Variants in MYRFL observed in about 807,000 individuals in gnomAD.
MYRFL encodes the protein myelin regulatory factor-like protein.
A neutral mutation model predicts 109.4 loss-of-function variants in MYRFL; 88 were observed. The ratio of observed to expected loss-of-function variants is 0.80; its 90% CI spans 0.68 to 0.96. The LOEUF (loss-of-function observed/expected upper bound fraction) is 0.96, where lower values mean the gene tolerates loss of function less well. MYRFL is among the 40% of genes least tolerant of loss of function. The pLI, the probability that MYRFL is intolerant of heterozygous loss-of-function variation, is 0.00. For synonymous variants in MYRFL, 324 were observed against 320.9 expected (o/e 1.01, Z -0.10); for missense variants, 957 against 954.9 (o/e 1.00, Z -0.03).
At chr12:69,845,098 G>A (rs532531057) in intron 1 of MYRFL, among the ~76,000 whole-genome samples, 16 of 152,186 alleles carry the variant, frequency 1.1e-4, no homozygotes, top group South Asian at 4.1e-4. Flanking sequence ...AGAGGCATCC[G>A]CATAGAAAAG....
chr12:69,904,941 T>TGTCC (rs1161268797), intron 11 of MYRFL, among the ~76,000 whole-genome samples: 2 of 152,250 alleles, frequency 1.3e-5, no homozygotes, highest in Non-Finnish European at 2.9e-5. Flanking sequence ...AGCCAAGGAA[T>TGTCC]GTCCTCCTTT....
At chr12:69,858,340 G>T (rs534824700) in intron 2 of MYRFL, among the ~76,000 whole-genome samples, 1 of 151,696 alleles carries the variant, frequency 6.6e-6, no homozygotes, top group Non-Finnish European at 1.5e-5. Flanking sequence ...TTCTGGGTTT[G>T]GTATCACAGC....
chr12:69,947,335 C>T (rs1217335369), intron 19 of MYRFL, among the ~76,000 whole-genome samples: 1 of 152,102 alleles, frequency 6.6e-6, no homozygotes, highest in Non-Finnish European at 1.5e-5. Context: ...GGGAAATCAA[C>T]ATTTTTATGA....
At chr12:69,921,378 T>C (rs1408121921) in intron 13 of MYRFL, among the ~76,000 whole-genome samples, 4 of 152,200 alleles carry the variant, frequency 2.6e-5, no homozygotes, top group Non-Finnish European at 4.4e-5. Context: ...TCCAGACATG[T>C]GTATTTAGAA....
chr12:69,858,641 A>G (rs989058462), intron 2 of MYRFL, among the ~76,000 whole-genome samples: 6 of 151,966 alleles, frequency 3.9e-5, no homozygotes, highest in African/African-American at 1.4e-4. Flanking sequence ...AGAGTTATTC[A>G]TAGTATTTTT....
At chr12:69,827,717 A>G (rs992639730) in intron 1 of MYRFL, among the ~76,000 whole-genome samples, 1 of 152,114 alleles carries the variant, frequency 6.6e-6, no homozygotes, top group African/African-American at 2.4e-5. Flanking sequence ...GGAATATTTT[A>G]TGGCTATTAA....
chr12:69,834,790 C>G (rs1030543708), intron 1 of MYRFL, among the ~76,000 whole-genome samples: 2 of 152,144 alleles, frequency 1.3e-5, no homozygotes, highest in Non-Finnish European at 2.9e-5. Flanking sequence ...CCATTTATAG[C>G]CCTTAGTTGC....
chr12:69,846,755 T>A (rs1230640557), intron 1 of MYRFL, among the ~76,000 whole-genome samples: 1 of 151,938 alleles, frequency 6.6e-6, no homozygotes, highest in Non-Finnish European at 1.5e-5. Context: ...TAGTTCTAGA[T>A]CCCTGAGGAA....
At chr12:69,895,180 C>A (rs1201751395) in intron 8 of MYRFL, among the ~76,000 whole-genome samples, 191 bp from the exon 9 acceptor site, 1 of 152,202 alleles carries the variant, frequency 6.6e-6, no homozygotes, top group Non-Finnish European at 1.5e-5. Flanking sequence ...ATTCCATGGC[C>A]TTCCTGGCAG....
chr12:69,948,776 A>T (rs1469644941), intron 19 of MYRFL, among the ~76,000 whole-genome samples: 1 of 152,212 alleles, frequency 6.6e-6, no homozygotes, highest in Non-Finnish European at 1.5e-5. Flanking sequence ...AATGGAAAGC[A>T]CCATGTTGGG....
rs187185843 is a variant in MYRFL at position 69,918,672 on chromosome 12, C to G, written c.1602+7742C>G. ...TGCAATTCTGATTGAGTTAAAGGAG[C>G]ATCATATTGTTTTAATTTAACTTTC... On this transcript the variant is annotated intron_variant, in intron 13 of 24. Coordinates refer to ENST00000552032, the MANE Select transcript of MYRFL (RefSeq NM_182530.3). Among the ~76,000 whole-genome samples the G allele has an allele frequency of 1.3e-3, 199 of 152,272 alleles. 2 individuals are homozygous for G. The South Asian group carries it at 0.028, about 22-fold the overall frequency.
chr12:69,849,028 C>T (rs548277594), intron 1 of MYRFL, among the ~76,000 whole-genome samples: 1 of 152,262 alleles, frequency 6.6e-6, no homozygotes, highest in Non-Finnish European at 1.5e-5. Flanking sequence ...CATGGCACCA[C>T]ACCCAGCTAA....
Position 69,915,503 on chromosome 12 carries a change from A to G in MYRFL, c.1602+4573A>G, listed in dbSNP as rs74101391. ...CCTGATGCCAAAATAGGAAAAAAGA[A>G]TGTCTGGATCTTTATAGACTGTCTA... On this transcript the variant is annotated intron_variant, in intron 13 of 24. Coordinates refer to ENST00000552032, the MANE Select transcript of MYRFL (RefSeq NM_182530.3). Among the ~76,000 whole-genome samples the G allele has an allele frequency of 9.8e-3, 1,499 of 152,322 alleles. 28 individuals are homozygous for G. The highest frequency in any genetic ancestry group is 0.034 in the African/African-American group (1,419 of 41,574).
intron 2 of MYRFL, among the ~76,000 whole-genome samples, chr12:69,877,356 C>T (rs937116062): frequency 2.6e-5 from 4 of 152,146 alleles, no homozygotes; most frequent in Non-Finnish European, 4.4e-5. Context: ...TTCAACCAAT[C>T]CTTTTGTTTT....
At chr12:69,944,176 A>C (rs1189808284) in intron 19 of MYRFL, among the ~76,000 whole-genome samples, 1 of 146,326 alleles carries the variant, frequency 6.8e-6, no homozygotes, top group Non-Finnish European at 1.5e-5. Context: ...CAGCCATCCC[A>C]TTACTGGGTA....
chr12:69,924,879 C>G (rs999400637), intron 13 of MYRFL, among the ~76,000 whole-genome samples: 4 of 152,172 alleles, frequency 2.6e-5, no homozygotes, highest in Admixed American at 2.6e-4. Context: ...AGGTTTTCTG[C>G]TTCTCTAAGC....
In MYRFL at chr12:69,847,513, C is replaced by G. The variant is rs548448531; in HGVS notation, c.47-7767C>G. On this transcript the variant is annotated intron_variant, in intron 1 of 24. Coordinates refer to ENST00000552032, the MANE Select transcript of MYRFL (RefSeq NM_182530.3). ...ATAAAGAAGAGAAAACAAAACAAAG[C>G]ACTATCACTGAAGATAATCACCATT... 2.0e-5 allele frequency among the ~76,000 whole-genome samples: 3 copies of G among 152,092 alleles called. No homozygotes were observed. The East Asian group carries it at 5.8e-4, about 29-fold the overall frequency.
chr12:69,828,808 T>A lies in MYRFL; in HGVS notation c.46+3245T>A, dbSNP rs1882443744. On this transcript the variant is annotated intron_variant, in intron 1 of 24. Transcript: ENST00000552032. Reference sequence around the variant, plus strand: ...GCTATAATCTTAGACTCTTAATTTGTACTATCTTGATATCAGAGGACTCAT... The same window carrying A: ...GCTATAATCTTAGACTCTTAATTTGAACTATCTTGATATCAGAGGACTCAT... Among the ~76,000 whole-genome samples, 3 of 152,184 alleles carry A rather than the reference T, an allele frequency of 2.0e-5. No homozygotes were observed. In the South Asian group the frequency reaches 6.2e-4, roughly 31 times the overall value.
chr12:69,914,917 T>C (rs973855017), intron 13 of MYRFL, among the ~76,000 whole-genome samples: 4 of 152,196 alleles, frequency 2.6e-5, no homozygotes, highest in Admixed American at 2.6e-4. Flanking sequence ...CACACTCACT[T>C]ACAGAATCTG....
Sources: gnomAD v4.1 joint callset for allele counts (sites outside exome capture counted in the v4.1 genomes callset) on GRCh38, gnomAD v4.1.1 for gene constraint, MANE v1.5 for transcripts, NCBI Gene and HGNC (gene_info 2026-07-23, HGNC 2026-07-21) for gene names.